GRID2: variants seen among roughly 807,000 people sequenced by gnomAD.
The protein encoded by GRID2 is glutamate receptor ionotropic, delta-2.
Under a neutral mutation model 114.8 loss-of-function variants are expected in GRID2, and 33 were observed. The observed-to-expected ratio is 0.29, with a 90% CI of 0.22 to 0.38. The LOEUF (loss-of-function observed/expected upper bound fraction) is 0.38, where lower values mean the gene tolerates loss of function less well. Among genes scored for constraint, GRID2 ranks in the 10% least tolerant of loss-of-function variants. The probability of loss-of-function intolerance (pLI) is 1.00; values close to 1 mark genes in which losing one functional copy is unlikely to be tolerated. For missense variants in GRID2, 1,184 were observed against 1,257.7 expected (o/e 0.94, Z 0.89); for synonymous variants, 505 against 449.9 (o/e 1.12, Z -1.55).
chr4:92,440,026 C>A (rs909395494), intron 1 of GRID2, among the ~76,000 whole-genome samples: 4 of 145,354 alleles, frequency 2.8e-5, no homozygotes, highest in African/African-American at 9.8e-5. Context: ...GAGACTGGGG[C>A]CTAATAAAAA....
intron 2 of GRID2, 120 bp from the exon 3 acceptor site, chr4:93,084,875 T>A (rs1038631272): frequency 1.4e-6 from 1 of 693,628 alleles, no homozygotes; most frequent in African/African-American, 1.8e-5. Flanking sequence ...AATGTTCCTT[T>A]CTAAAACATT....
At chr4:93,751,905 A>G (rs967490698) in intron 14 of GRID2, among the ~76,000 whole-genome samples, 5 of 150,900 alleles carry the variant, frequency 3.3e-5, no homozygotes, top group East Asian at 2.0e-4. Flanking sequence ...TTTCTTACCC[A>G]TACTCCCAAT....
At chr4:92,523,744 C>A (rs1335995398) in intron 1 of GRID2, among the ~76,000 whole-genome samples, 1 of 151,920 alleles carries the variant, frequency 6.6e-6, no homozygotes, top group Non-Finnish European at 1.5e-5. Flanking sequence ...AGTAGAAGGA[C>A]ACAGAAGTGG....
chr4:93,794,025 G>A (rs6833898), intron 1 of GRID2, among the ~76,000 whole-genome samples: 211 of 146,866 alleles, frequency 1.4e-3, no homozygotes, highest in African/African-American at 3.2e-3. Context: ...CCCATCTGCA[G>A]AAAAAAAAAA....
intron 14 of GRID2, among the ~76,000 whole-genome samples, chr4:93,735,579 T>C (rs1393551803): frequency 6.6e-6 from 1 of 152,056 alleles, no homozygotes; most frequent in Non-Finnish European, 1.5e-5. Flanking sequence ...GTAACTCTGG[T>C]TCTTTACAAA....
Position 93,332,457 on chromosome 4 carries a change from G to T in GRID2, c.1246-63150G>T, listed in dbSNP as rs539088093. ...ATAAATTGCTCTTCTTTTTTCCAAA[G>T]AATTTTAAGTTGTTTCTATTACTTA... On this transcript the variant is annotated intron_variant, in intron 8 of 15. Transcript: ENST00000282020. Among the ~76,000 whole-genome samples, 9 of 134,508 alleles carry T rather than the reference G, an allele frequency of 6.7e-5. No individual in the cohort carries two copies. In the South Asian group the frequency reaches 1.6e-3, roughly 23 times the overall value. 88.2% of individuals were successfully genotyped at this position (134,508 alleles called of 152,430 possible).
At chr4:93,141,136 G>A (rs544398314) in intron 4 of GRID2, among the ~76,000 whole-genome samples, 124 of 151,886 alleles carry the variant, frequency 8.2e-4, no homozygotes, top group African/African-American at 2.8e-3. Context: ...ATATGTTTCT[G>A]TTATTTATTA....
chr4:92,745,583 T>C (rs1196432454), intron 2 of GRID2, among the ~76,000 whole-genome samples: 1 of 152,156 alleles, frequency 6.6e-6, no homozygotes, highest in Admixed American at 6.5e-5. Flanking sequence ...ATTTTAAATG[T>C]GAGGTCATTG....
chr4:93,683,957 G>A (rs2110099459), intron 14 of GRID2, among the ~76,000 whole-genome samples: 1 of 152,102 alleles, frequency 6.6e-6, no homozygotes, highest in African/African-American at 2.4e-5. Context: ...CCACTGCAAT[G>A]GGATTTTGCA....
intron 13 of GRID2, among the ~76,000 whole-genome samples, chr4:93,582,137 A>C (rs1737043707): frequency 6.6e-6 from 1 of 152,150 alleles, no homozygotes; most frequent in Non-Finnish European, 1.5e-5. Context: ...AGGTGTCAGC[A>C]GGTCTGTTTT....
At chr4:92,488,147 A>G (rs1015355325) in intron 1 of GRID2, among the ~76,000 whole-genome samples, 2 of 152,182 alleles carry the variant, frequency 1.3e-5, no homozygotes, top group Non-Finnish European at 2.9e-5. Flanking sequence ...CTATAAAGGT[A>G]TAATGTGACA....
rs1429731203 is a variant in GRID2, at chr4:93,216,600, T to C, written c.790-138T>C. On this transcript the variant is annotated intron_variant, in intron 5 of 15. Coordinates refer to ENST00000282020, the MANE Select transcript of GRID2 (RefSeq NM_001510.4). ...TTTTAACAAAAATATGTTGCTTTCATTTAGATATGCACTAAGCATTAAAAC... is the reference window on the plus strand; with the variant it reads ...TTTTAACAAAAATATGTTGCTTTCACTTAGATATGCACTAAGCATTAAAAC... 9.0e-6 allele frequency: 5 copies of C among 556,488 alleles called. No homozygotes were observed. The Admixed American group carries it at 9.5e-5, about 11-fold the overall frequency. The allele number at this position is 556,488 out of a possible 1,614,324, so 34.5% of individuals were successfully genotyped here.
At chr4:93,780,726 G>A (rs189884102) in intron 1 of GRID2, among the ~76,000 whole-genome samples, 11 of 152,336 alleles carry the variant, frequency 7.2e-5, no homozygotes, top group Admixed American at 6.5e-4. Context: ...GGCGCTCACA[G>A]AGGCTCACAA....
At chr4:92,818,378 C>T (rs914505460) in intron 2 of GRID2, among the ~76,000 whole-genome samples, 10 of 151,792 alleles carry the variant, frequency 6.6e-5, no homozygotes, top group Non-Finnish European at 1.2e-4. Flanking sequence ...ATTCAGGAAA[C>T]ATTAAAAAAG....
At chr4:93,076,069 A>AT (rs1729263411) in intron 2 of GRID2, among the ~76,000 whole-genome samples, 1 of 151,594 alleles carries the variant, frequency 6.6e-6, no homozygotes. Flanking sequence ...ACGCCAGCTA[A>AT]TTTTTTGTAT....
At chr4:92,890,039 G>T (rs1284597151) in intron 2 of GRID2, among the ~76,000 whole-genome samples, 1 of 152,152 alleles carries the variant, frequency 6.6e-6, no homozygotes, top group East Asian at 1.9e-4. Flanking sequence ...TTAATAAATG[G>T]TGTTGGTAAA....
intron 1 of GRID2, among the ~76,000 whole-genome samples, chr4:93,795,509 A>C (rs1049219119): frequency 6.6e-6 from 1 of 152,112 alleles, no homozygotes; most frequent in Non-Finnish European, 1.5e-5. Context: ...TTCAATTTAA[A>C]CTTAAGCTTG....
At chr4:93,737,224 G>A (rs1452291038) in intron 14 of GRID2, among the ~76,000 whole-genome samples, 1 of 151,906 alleles carries the variant, frequency 6.6e-6, no homozygotes, top group Non-Finnish European at 1.5e-5. Context: ...AGTAAAATGG[G>A]TATTTCACAA....
chr4:92,814,445 C>G (rs375572632), intron 2 of GRID2, among the ~76,000 whole-genome samples: 2 of 152,218 alleles, frequency 1.3e-5, no homozygotes, highest in East Asian at 1.9e-4. Flanking sequence ...AGGCTGATAT[C>G]CAAACTTTAT....
Sources: allele counts gnomAD v4.1 joint callset (sites outside exome capture counted in the v4.1 genomes callset), GRCh38; gene constraint gnomAD v4.1.1; transcripts MANE v1.5; gene names NCBI Gene and HGNC (gene_info 2026-07-23, HGNC 2026-07-21).